Variants in IARS2 observed in about 807,000 individuals in gnomAD.
IARS2 encodes the protein isoleucine--tRNA ligase, mitochondrial.
Under a neutral mutation model 126.3 loss-of-function variants are expected in IARS2, and 56 were observed. The observed-to-expected ratio is 0.44, with a 90% CI of 0.36 to 0.55. The LOEUF is 0.55. Among genes scored for constraint, IARS2 ranks in the 20% least tolerant of loss-of-function variants. The probability of loss-of-function intolerance (pLI) is 0.00; values close to 1 mark genes in which losing one functional copy is unlikely to be tolerated. For synonymous variants in IARS2, 407 were observed against 441.1 expected (o/e 0.92, Z 0.97); for missense variants, 1,127 against 1,245.9 (o/e 0.90, Z 1.44).
At chr1:220,140,899 G>C (rs887621202) in intron 19 of IARS2, among the ~76,000 whole-genome samples, 7 of 151,206 alleles carry the variant, frequency 4.6e-5, no homozygotes, top group African/African-American at 1.7e-4. Context: ...CAGGAGAATG[G>C]CGTGAACCCG....
chr1:220,096,084 C>A lies in IARS2; in HGVS notation c.268-20C>A. Reference sequence around the variant, plus strand: ...ATGTATTTATATGATGTTTAGATATCTTTTTTTTTTTTAAAACAGAAATGT... The same window carrying A: ...ATGTATTTATATGATGTTTAGATATATTTTTTTTTTTTAAAACAGAAATGT... On this transcript the variant is annotated intron_variant, in intron 1 of 22. Coordinates refer to ENST00000366922, the MANE Select transcript of IARS2 (RefSeq NM_018060.4). 1 of 1,004,572 alleles carries A rather than the reference C, an allele frequency of 1.0e-6. No individual in the cohort carries two copies. The highest frequency in any genetic ancestry group is 1.4e-6 in the Non-Finnish European group (1 of 703,256). 62.2% of individuals were successfully genotyped at this position (1,004,572 alleles called of 1,614,324 possible). A position where few individuals can be genotyped will look rare whatever the true frequency, so the allele number is the denominator to read the frequency against.
chr1:220,114,385 G>A lies in IARS2; in HGVS notation c.1551G>A (p.Arg517=), dbSNP rs1013993041. 1.2e-5 allele frequency: 20 copies of A among 1,613,574 alleles called. No homozygotes were observed. The highest frequency in any genetic ancestry group is 1.6e-5 in the Non-Finnish European group (19 of 1,179,638). Residue 517 remains arginine, a synonymous_variant, in exon 12 of 23, where the codon CGG becomes CGA. Transcript: ENST00000366922. ...GCATGGTTGAAATGATGGACAGGCG[G>A]CCATATTGGTGTATATCAAGGCAAA... ...LNGMVEMMDR[R]PYWCISRQRV...
In IARS2 at chr1:220,094,418, C is replaced by G. The variant is rs1282493384; in HGVS notation, c.202C>G (p.Gln68Glu). 1 of 1,611,886 alleles carries G rather than the reference C, an allele frequency of 6.2e-7. No individual in the cohort carries two copies. Among genetic ancestry groups the G allele is most frequent in the South Asian group, 1.1e-5 (1 of 90,984 alleles). ...ATACCGGGACACGGTGCTGCTGCCG[C>G]AGACGAGCTTCCCCATGAAGCTGCT... ...GRYRDTVLLPQTSFPMKLLGR... is the reference protein window; with the variant it reads ...GRYRDTVLLPETSFPMKLLGR... Residue 68 changes from glutamine (Q) to glutamate (E), a missense_variant, in exon 1 of 23, where the codon CAG becomes GAG. By Grantham distance (29) the Gln-to-Glu change is conservative. Coordinates refer to ENST00000366922, the MANE Select transcript of IARS2 (RefSeq NM_018060.4).
chr1:220,144,107 G>T, intron 21 of IARS2: 2 of 920,862 alleles, frequency 2.2e-6, no homozygotes, highest in African/African-American at 1.6e-5. Flanking sequence ...TCTTTGCTTT[G>T]CACATCAAAT....
At chr1:220,112,391 C>T (rs1203713022) in intron 11 of IARS2, among the ~76,000 whole-genome samples, 1 of 62,170 alleles carries the variant, frequency 1.6e-5, no homozygotes, top group Non-Finnish European at 3.3e-5. Flanking sequence ...GCCTCGGCCT[C>T]CCAAAGTGCT....
intron 12 of IARS2, chr1:220,118,353 G>T: frequency 4.3e-6 from 1 of 230,914 alleles, no homozygotes; most frequent in Non-Finnish European, 9.0e-6. Flanking sequence ...ATAAGTTTAG[G>T]GACTGGTAGA....
At chr1:220,102,060 C>G in intron 3 of IARS2, 69 bp from the exon 4 acceptor site, 1 of 1,409,240 alleles carries the variant, frequency 7.1e-7, no homozygotes. Flanking sequence ...TAGAGAGATA[C>G]ATGCTAAACC....
intron 12 of IARS2, among the ~76,000 whole-genome samples, chr1:220,123,566 CG>C (rs1657094215): frequency 6.6e-6 from 1 of 152,136 alleles, no homozygotes; most frequent in South Asian, 2.1e-4. Context: ...CTCTGCCTCC[CG>C]GGTTCACGCC....
intron 22 of IARS2, among the ~76,000 whole-genome samples, chr1:220,147,060 T>G (rs1657611533): frequency 6.6e-6 from 1 of 152,200 alleles, no homozygotes; most frequent in Non-Finnish European, 1.5e-5. Flanking sequence ...GTATTAATTG[T>G]GGAGATATTT....
intron 11 of IARS2, among the ~76,000 whole-genome samples, chr1:220,113,107 C>T (rs1312174645): frequency 2.0e-5 from 3 of 152,108 alleles, no homozygotes; most frequent in Admixed American, 6.5e-5. Flanking sequence ...TCGGGTGATC[C>T]GCCCTCCTCA....
At chr1:220,134,941 A>AT (rs1017915051) in intron 15 of IARS2, 9 of 151,118 alleles carry the variant, frequency 6.0e-5, no homozygotes, top group East Asian at 1.9e-4. Context: ...CTAATTTTTA[A>AT]TTTTTTTTTA....
intron 13 of IARS2, among the ~76,000 whole-genome samples, chr1:220,126,296 G>A (rs538819844): frequency 1.3e-5 from 2 of 151,846 alleles, no homozygotes; most frequent in African/African-American, 4.8e-5. Context: ...AAATCAAAAA[G>A]TGTAGTATTT....
intron 2 of IARS2, among the ~76,000 whole-genome samples, chr1:220,098,137 T>A (rs1016757396): frequency 6.6e-6 from 1 of 152,102 alleles, no homozygotes; most frequent in African/African-American, 2.4e-5. Context: ...TCCACCCGCC[T>A]CGGCCTCCCA....
At chr1:220,140,908 C>T (rs180806670) in intron 19 of IARS2, among the ~76,000 whole-genome samples, 417 of 146,200 alleles carry the variant, frequency 2.9e-3, no homozygotes, top group African/African-American at 9.7e-3. Flanking sequence ...GGCGTGAACC[C>T]GGGAGGCAGA....
rs775841640 is a variant in IARS2 at position 220,102,431 on chromosome 1, G to A, written c.749+19G>A. ...CATCTAGGTATATATGCATTTTTCG[G>A]TAATTAAAAGGGAGAAATTTGTGAG... On this transcript the variant is annotated intron_variant, in intron 5 of 22. Transcript: ENST00000366922. The A allele has an allele frequency of 3.7e-6, 6 of 1,612,668 alleles. 1 individual carries two copies. In the South Asian group the frequency reaches 4.4e-5, roughly 12 times the overall value.
At chr1:220,119,559 A>T (rs897784897) in intron 12 of IARS2, among the ~76,000 whole-genome samples, 6 of 152,188 alleles carry the variant, frequency 3.9e-5, no homozygotes, top group East Asian at 1.9e-4. Context: ...TTGTTTAAAA[A>T]TTTTTTTAGG....
chr1:220,110,714 A>C, intron 10 of IARS2, 72 bp from the exon 11 acceptor site: 1 of 1,197,628 alleles, frequency 8.3e-7, no homozygotes, highest in East Asian at 2.3e-5. Flanking sequence ...TATTTTCTGG[A>C]AGTTTAGAGC....
At chr1:220,098,446 A>G (rs1162134886) in intron 2 of IARS2, among the ~76,000 whole-genome samples, 2 of 152,076 alleles carry the variant, frequency 1.3e-5, no homozygotes, top group African/African-American at 2.4e-5. Flanking sequence ...CTAAAATGGT[A>G]CCACCCCCAG....
chr1:220,125,215 T>C lies in IARS2; in HGVS notation c.1641-22T>C. 2.2e-6 allele frequency: 3 copies of C among 1,381,190 alleles called. No individual in the cohort carries two copies. The South Asian group carries it at 3.8e-5, about 17-fold the overall frequency. 85.6% of individuals were successfully genotyped at this position (1,381,190 alleles called of 1,614,324 possible). On this transcript the variant is annotated intron_variant, in intron 12 of 22. Coordinates refer to ENST00000366922, the MANE Select transcript of IARS2 (RefSeq NM_018060.4). The stretch of plus-strand genomic sequence containing the variant: ...ATCACAATAGTTAATTGAATAATTC[T>C]GCCATGTCCCCCCTGAAATAGCCAA...
Sources: allele counts gnomAD v4.1 joint callset (sites outside exome capture counted in the v4.1 genomes callset), GRCh38; gene constraint gnomAD v4.1.1; transcripts MANE v1.5; gene names NCBI Gene and HGNC (gene_info 2026-07-23, HGNC 2026-07-21).